Variants in TAFA5 observed in about 807,000 individuals in gnomAD.
TAFA5 encodes the protein chemokine-like protein TAFA-5.
Under a neutral mutation model 15.3 loss-of-function variants are expected in TAFA5, and 6 were observed. The ratio of observed to expected loss-of-function variants is 0.39; its 90% confidence interval spans 0.21 to 0.77. TAFA5 has a LOEUF of 0.77. Ranked by LOEUF, TAFA5 falls within the 30% of genes least tolerant of loss-of-function variation. TAFA5 has a pLI of 0.41. For synonymous variants in TAFA5, 103 were observed against 80.7 expected (o/e 1.28, Z -1.48); for missense variants, 161 against 193.1 (o/e 0.83, Z 0.98).
chr22:48,727,652 C>G (rs1451376900), intron 3 of TAFA5, among the ~76,000 whole-genome samples: 2 of 152,114 alleles, frequency 1.3e-5, no homozygotes, highest in Non-Finnish European at 2.9e-5. Flanking sequence ...TATTAAAAAG[C>G]AAAGACTATC....
chr22:48,554,307 A>G (rs1253829397), intron 1 of TAFA5, among the ~76,000 whole-genome samples: 11 of 152,210 alleles, frequency 7.2e-5, no homozygotes, highest in Non-Finnish European at 1.6e-4. Context: ...GAAGGAAATT[A>G]TCATAATCCA....
At chr22:48,578,997 G>C (rs1923928372) in intron 1 of TAFA5, among the ~76,000 whole-genome samples, 1 of 152,240 alleles carries the variant, frequency 6.6e-6, no homozygotes, top group Admixed American at 6.5e-5. Context: ...GGGCCTGAGT[G>C]GGAAAGAGCT....
intron 1 of TAFA5, among the ~76,000 whole-genome samples, chr22:48,615,452 G>A (rs995700958): frequency 3.9e-5 from 6 of 152,194 alleles, no homozygotes; most frequent in South Asian, 2.1e-4. Flanking sequence ...TGTTCCTCTC[G>A]GATGGGCTTC....
intron 1 of TAFA5, among the ~76,000 whole-genome samples, chr22:48,534,473 G>T (rs1381111916): frequency 6.6e-6 from 1 of 152,128 alleles, no homozygotes; most frequent in Non-Finnish European, 1.5e-5. Flanking sequence ...GAGAGGAGGG[G>T]CCGTGTCAGC....
intron 2 of TAFA5, among the ~76,000 whole-genome samples, chr22:48,706,863 A>T (rs1257851356): frequency 6.6e-6 from 1 of 152,260 alleles, no homozygotes; most frequent in Non-Finnish European, 1.5e-5. Context: ...TTACTCCGCC[A>T]TGAAGTCCTT....
chr22:48,686,176 G>C (rs1000839186), intron 2 of TAFA5, among the ~76,000 whole-genome samples: 1 of 152,210 alleles, frequency 6.6e-6, no homozygotes, highest in Admixed American at 6.5e-5. Flanking sequence ...GCAGTATGGC[G>C]TCTGAGGCCG....
chr22:48,697,425 G>A (rs938832965), intron 2 of TAFA5, among the ~76,000 whole-genome samples: 3 of 150,098 alleles, frequency 2.0e-5, no homozygotes, highest in African/African-American at 7.4e-5. Context: ...TGACAAGGAT[G>A]AGGAAGATGA....
At chr22:48,599,294 C>T (rs1266548616) in intron 1 of TAFA5, among the ~76,000 whole-genome samples, 1 of 152,218 alleles carries the variant, frequency 6.6e-6, no homozygotes, top group Non-Finnish European at 1.5e-5. Flanking sequence ...CTCCCTAGGG[C>T]CCTGGCCTTC....
chr22:48,596,933 G>C (rs772444005), intron 1 of TAFA5, among the ~76,000 whole-genome samples: 22 of 152,184 alleles, frequency 1.4e-4, no homozygotes, highest in Non-Finnish European at 2.9e-4. Context: ...CAAGCCTCCT[G>C]AGTAGCTGGG....
chr22:48,501,081 C>T (rs1920948875), intron 1 of TAFA5, among the ~76,000 whole-genome samples: 1 of 152,210 alleles, frequency 6.6e-6, no homozygotes, highest in South Asian at 2.1e-4. Context: ...TCACCCCCAC[C>T]CTTCCCCCGC....
chr22:48,730,880 C>CT (rs1196160507), intron 3 of TAFA5, among the ~76,000 whole-genome samples: 2 of 152,132 alleles, frequency 1.3e-5, no homozygotes, highest in Non-Finnish European at 2.9e-5. Flanking sequence ...ACAGTGGCCT[C>CT]TAAGTGTTCA....
chr22:48,603,206 T>C (rs969118590), intron 1 of TAFA5, among the ~76,000 whole-genome samples: 7 of 152,224 alleles, frequency 4.6e-5, no homozygotes, highest in Non-Finnish European at 1.0e-4. Flanking sequence ...CCTCTCCTCC[T>C]GTCTCCATAC....
chr22:48,742,316 G>T lies in TAFA5; in HGVS notation c.391-7523G>T, dbSNP rs1930203498. Among the ~76,000 whole-genome samples the T allele has an allele frequency of 6.6e-6, 1 of 152,232 alleles. No homozygotes were observed. The highest frequency in any genetic ancestry group is 1.5e-5 in the Non-Finnish European group (1 of 68,038). On this transcript the variant is annotated intron_variant, in intron 3 of 3. Transcript: ENST00000402357. The surrounding 1 kb of genome is among the most constrained non-coding windows in gnomAD (Gnocchi z 6.2). The stretch of plus-strand genomic sequence containing the variant: ...CGGGAAAAGAACTGACCCCCACGAG[G>T]ATGGTCCTGGTGTTGAGAAACCTGC...
At chr22:48,689,872 T>C (rs1223849139) in intron 2 of TAFA5, among the ~76,000 whole-genome samples, 1 of 152,212 alleles carries the variant, frequency 6.6e-6, no homozygotes, top group African/African-American at 2.4e-5. Context: ...TGAGCCTGGC[T>C]GGGTGCTTCC....
At chr22:48,691,658 G>C (rs1037359313) in intron 2 of TAFA5, among the ~76,000 whole-genome samples, 1 of 152,250 alleles carries the variant, frequency 6.6e-6, no homozygotes, top group Non-Finnish European at 1.5e-5. Context: ...CATAATCTGG[G>C]AGGTGACCTC....
intron 1 of TAFA5, among the ~76,000 whole-genome samples, chr22:48,565,216 G>A (rs1353512692): frequency 6.6e-6 from 1 of 152,216 alleles, no homozygotes; most frequent in African/African-American, 2.4e-5. Flanking sequence ...CACTGTCACG[G>A]CCAAGTGCTG....
intron 1 of TAFA5, among the ~76,000 whole-genome samples, chr22:48,499,280 G>A (rs887545378): frequency 6.6e-6 from 1 of 152,186 alleles, no homozygotes; most frequent in Admixed American, 6.5e-5. Flanking sequence ...CGCACCGACG[G>A]CGGCGCCCAT....
chr22:48,690,841 C>T (rs545664600), intron 2 of TAFA5, among the ~76,000 whole-genome samples: 127 of 151,836 alleles, frequency 8.4e-4, no homozygotes, highest in African/African-American at 3.0e-3. Flanking sequence ...CTTGGGGGGC[C>T]GTGCTGCCCC....
At chr22:48,599,548 C>T (rs1044199717) in intron 1 of TAFA5, among the ~76,000 whole-genome samples, 4 of 152,222 alleles carry the variant, frequency 2.6e-5, no homozygotes, top group African/African-American at 9.6e-5. Context: ...AGGGCAGAAC[C>T]AGCATCCCTC....
Sources: gnomAD v4.1 joint callset for allele counts (sites outside exome capture counted in the v4.1 genomes callset) on GRCh38, gnomAD v4.1.1 for gene constraint, Gnocchi (gnomAD v3.1) non-coding constraint, MANE v1.5 for transcripts, NCBI Gene and HGNC (gene_info 2026-07-23, HGNC 2026-07-21) for gene names.